FOCAD: variants seen among roughly 807,000 people sequenced by gnomAD.
FOCAD encodes focadhesin.
FOCAD carries 198 observed loss-of-function variants against 225.6 expected under a neutral mutation model. The observed-to-expected ratio is 0.88, with a 90% CI of 0.78 to 0.99. FOCAD has a LOEUF of 0.99. Among genes scored for constraint, FOCAD ranks in the 50% least tolerant of loss-of-function variants. The probability of loss-of-function intolerance (pLI) is 0.00; values close to 1 mark genes in which losing one functional copy is unlikely to be tolerated. For missense variants in FOCAD, 2,713 were observed against 2,123.6 expected (o/e 1.28, Z -5.46); for synonymous variants, 897 against 755.0 (o/e 1.19, Z -3.08).
At chr9:20,836,716 T>C (rs1826025705) in intron 15 of FOCAD, among the ~76,000 whole-genome samples, 1 of 152,116 alleles carries the variant, frequency 6.6e-6, no homozygotes, top group Non-Finnish European at 1.5e-5. Flanking sequence ...TGCAAGTAGA[T>C]TTTTAAGTAT....
intron 1 of FOCAD, among the ~76,000 whole-genome samples, chr9:20,691,772 G>T (rs1822994854): frequency 1.4e-5 from 2 of 141,254 alleles, no homozygotes; most frequent in South Asian, 4.6e-4. Context: ...GAGCCACCAA[G>T]CCCGGCCAAT....
intron 31 of FOCAD, 86 bp downstream of exon 31, chr9:20,948,479 A>G (rs969481698): frequency 1.1e-5 from 15 of 1,412,468 alleles, no homozygotes; most frequent in African/African-American, 5.8e-5. Context: ...AGTTGCTGAG[A>G]TATATACGTT....
intron 10 of FOCAD, among the ~76,000 whole-genome samples, chr9:20,782,552 G>C (rs903812412): frequency 3.9e-5 from 6 of 152,278 alleles, no homozygotes; most frequent in Admixed American, 6.5e-5. Context: ...GTGTTGTCAT[G>C]GTTTGGATAT....
At chr9:20,876,186 C>T (rs1830206869) in intron 19 of FOCAD, among the ~76,000 whole-genome samples, 1 of 152,120 alleles carries the variant, frequency 6.6e-6, no homozygotes, top group African/African-American at 2.4e-5. Context: ...TAGAAAGAAG[C>T]CTCAAAGACT....
In FOCAD at chr9:20,934,208, G is replaced by A. The variant is rs181954438; in HGVS notation, c.3407+1105G>A. 4.2e-3 allele frequency among the ~76,000 whole-genome samples: 641 copies of A among 152,206 alleles called. 5 individuals carry two copies. Among genetic ancestry groups the A allele is most frequent in the Non-Finnish European group, 6.3e-3 (429 of 68,010 alleles). On this transcript the variant is annotated intron_variant, in intron 28 of 43. Coordinates refer to ENST00000338382, the MANE Select transcript of FOCAD (RefSeq NM_001375567.1). ...GCTTTTGCCATGCAAAAGCTCTTTC[G>A]TTTAATTAAGTCCAAGCTATTTATC...
chr9:20,821,748 T>G lies in FOCAD; in HGVS notation c.1793+677T>G, dbSNP rs374266472. ...TGCATTTGAAACTGTAGTCCTGCAG[T>G]TTCATTTGTTGATCAGCCACTGCGT... On this transcript the variant is annotated intron_variant, in intron 14 of 43. Transcript: ENST00000338382. 9.2e-5 allele frequency among the ~76,000 whole-genome samples: 14 copies of G among 152,070 alleles called. No individual in the cohort carries two copies. In the East Asian group the frequency reaches 2.3e-3, roughly 25 times the overall value.
At chr9:20,694,646 T>A (rs1215111789) in intron 1 of FOCAD, 6 of 152,210 alleles carry the variant, frequency 3.9e-5, no homozygotes, top group Non-Finnish European at 8.8e-5. Context: ...TTTTTAAAAA[T>A]GTCTTACTAA....
chr9:20,792,190 A>G (rs747685478), intron 11 of FOCAD, among the ~76,000 whole-genome samples: 1 of 152,194 alleles, frequency 6.6e-6, no homozygotes, highest in African/African-American at 2.4e-5. Flanking sequence ...TTTTCCTCCT[A>G]TGTTTCTATC....
At chr9:20,679,119 GTA>G (rs1334546591) in intron 2 of FOCAD, among the ~76,000 whole-genome samples, 16 of 122,990 alleles carry the variant, frequency 1.3e-4, no homozygotes, top group Middle Eastern at 4.0e-3. Flanking sequence ...GACAGTCTGT[GTA>G]TGTGTGTGTG....
chr9:20,716,777 C>A (rs1028640481), intron 2 of FOCAD, among the ~76,000 whole-genome samples: 1 of 152,130 alleles, frequency 6.6e-6, no homozygotes, highest in African/African-American at 2.4e-5. Context: ...TTGATGGCAG[C>A]AGTTGAGATA....
intron 2 of FOCAD, among the ~76,000 whole-genome samples, chr9:20,676,029 T>C (rs1160455312): frequency 1.3e-5 from 2 of 152,226 alleles, no homozygotes; most frequent in Non-Finnish European, 2.9e-5. Context: ...GTAGAATCTG[T>C]TAAGATGCCT....
At chr9:20,843,127 A>C (rs1460760033) in intron 15 of FOCAD, among the ~76,000 whole-genome samples, 1 of 152,064 alleles carries the variant, frequency 6.6e-6, no homozygotes. Flanking sequence ...TACTCAAGAT[A>C]TGAGTAGTGT....
intron 21 of FOCAD, among the ~76,000 whole-genome samples, chr9:20,902,720 A>C (rs7849011): frequency 0.65 from 97,861 of 151,608 alleles, 31,875 homozygotes; most frequent in Admixed American, 0.71. Context: ...GGACATATAT[A>C]TTAAATATTT....
chr9:20,905,811 T>C (rs1423275816), intron 21 of FOCAD, among the ~76,000 whole-genome samples: 5 of 152,046 alleles, frequency 3.3e-5, no homozygotes. Flanking sequence ...AGGATTTATG[T>C]TGACTTATTG....
At chr9:20,858,545 G>T (rs1828441667) in intron 15 of FOCAD, among the ~76,000 whole-genome samples, 1 of 151,872 alleles carries the variant, frequency 6.6e-6, no homozygotes, top group Admixed American at 6.6e-5. Flanking sequence ...ATCTTTTCAA[G>T]AAACCAACTT....
intron 8 of FOCAD, among the ~76,000 whole-genome samples, chr9:20,773,464 T>G (rs1818437156): frequency 6.6e-6 from 1 of 152,222 alleles, no homozygotes; most frequent in African/African-American, 2.4e-5. Flanking sequence ...TTTTATCATT[T>G]ATTTTGCACA....
chr9:20,788,613 A>G (rs1490642724), intron 10 of FOCAD, among the ~76,000 whole-genome samples: 4 of 152,188 alleles, frequency 2.6e-5, no homozygotes, highest in Non-Finnish European at 2.9e-5. Context: ...ACAAAGCACT[A>G]TACATGATTT....
intron 21 of FOCAD, among the ~76,000 whole-genome samples, chr9:20,891,447 C>G (rs1831607094): frequency 6.6e-6 from 1 of 152,148 alleles, no homozygotes; most frequent in Non-Finnish European, 1.5e-5. Flanking sequence ...AGAAAAGGTT[C>G]TTGAAGGAAA....
At chr9:20,840,241 T>A (rs117151320) in intron 15 of FOCAD, among the ~76,000 whole-genome samples, 2,426 of 152,134 alleles carry the variant, frequency 0.016, 27 homozygotes, top group Non-Finnish European at 0.025. Flanking sequence ...TTTATAGATT[T>A]CTTTAAATAA....
Sources: allele counts gnomAD v4.1 joint callset (sites outside exome capture counted in the v4.1 genomes callset), GRCh38; gene constraint gnomAD v4.1.1; transcripts MANE v1.5; gene names NCBI Gene and HGNC (gene_info 2026-07-23, HGNC 2026-07-21).